EXOSC2: variants seen among roughly 807,000 people sequenced by gnomAD.
EXOSC2 encodes exosome component 2.
EXOSC2 carries 29 observed loss-of-function variants against 37.6 expected under a neutral mutation model. That is an observed-to-expected ratio of 0.77 (90% CI 0.57 to 1.05). The LOEUF (loss-of-function observed/expected upper bound fraction) is 1.05, where lower values mean the gene tolerates loss of function less well. Ranked by LOEUF, EXOSC2 falls within the 50% of genes least tolerant of loss-of-function variation. EXOSC2 has a pLI of 0.00. For missense variants in EXOSC2, 346 were observed against 365.6 expected, an observed-to-expected ratio of 0.95 and a Z score of 0.44; for synonymous variants, 119 against 131.1, an observed-to-expected ratio of 0.91 and a Z score of 0.63.
At position 130,695,622 on chromosome 9, in the gene EXOSC2, C is replaced by A. The variant is rs1262356196; in HGVS notation, c.224+29C>A. On this transcript the variant is annotated intron_variant, in intron 2 of 8. Transcript: ENST00000372358. ...AGAACAAAAGGTGTGTATTCCCTTTCTTGCAGCATCAGGTTGTACAACCAG... is the reference window on the plus strand; with the variant it reads ...AGAACAAAAGGTGTGTATTCCCTTTATTGCAGCATCAGGTTGTACAACCAG... 9 of 1,594,596 alleles carry A rather than the reference C, an allele frequency of 5.6e-6. No individual in the cohort carries two copies. In the South Asian group the frequency reaches 9.9e-5, roughly 18 times the overall value.
In EXOSC2 at chr9:130,701,063, C is replaced by T; in HGVS notation, c.495+128C>T. On this transcript the variant is annotated intron_variant, in intron 6 of 8. Coordinates refer to ENST00000372358, the MANE Select transcript of EXOSC2 (RefSeq NM_014285.7). The stretch of plus-strand genomic sequence containing the variant: ...TAAGCATTAATAGAGGCTGGCATCC[C>T]ACAAACTGATCGTGTTCCTTAAACG... 4 of 806,354 alleles carry T rather than the reference C, an allele frequency of 5.0e-6. No homozygotes were observed. In the South Asian group the frequency reaches 6.5e-5, roughly 13 times the overall value. 49.9% of individuals were successfully genotyped at this position (806,354 alleles called of 1,614,324 possible). A position where few individuals can be genotyped will look rare whatever the true frequency, so the allele number is the denominator to read the frequency against.
chr9:130,698,357 T>C lies in EXOSC2; in HGVS notation c.360+106T>C. The C allele has an allele frequency of 1.1e-6, 1 of 932,506 alleles. No homozygotes were observed. The highest frequency in any genetic ancestry group is 1.5e-5 in the South Asian group (1 of 68,648). The allele number at this position is 932,506 out of a possible 1,614,324, so 57.8% of individuals were successfully genotyped here. A position where few individuals can be genotyped will look rare whatever the true frequency, so the allele number is the denominator to read the frequency against. On this transcript the variant is annotated intron_variant, in intron 4 of 8. Transcript: ENST00000372358. The surrounding 1 kb of genome is among the most constrained non-coding windows in gnomAD (Gnocchi z 4.1). The stretch of plus-strand genomic sequence containing the variant: ...TTTGATTTACACTGAGGTTGCCCCT[T>C]TGACTCCTGTTTGTCTGCTGTGAAG...
chr9:130,703,229 C>T (rs772041885), intron 8 of EXOSC2, 48 bp downstream of exon 8: 3 of 1,575,010 alleles, frequency 1.9e-6, no homozygotes, highest in Non-Finnish European at 2.6e-6. Flanking sequence ...GTGAGCTGCT[C>T]TGTTGTTTGT....
intron 5 of EXOSC2, among the ~76,000 whole-genome samples, chr9:130,700,082 G>A (rs751732897): frequency 1.6e-4 from 25 of 151,936 alleles, no homozygotes; most frequent in Admixed American, 4.6e-4. Context: ...CTGGAGTGCA[G>A]TGGCGCGATC....
chr9:130,694,570 G>C lies in EXOSC2; in HGVS notation c.122+657G>C, dbSNP rs1831050310. Among the ~76,000 whole-genome samples, 1 of 152,128 alleles carries C rather than the reference G, an allele frequency of 6.6e-6. No homozygotes were observed. Among genetic ancestry groups the C allele is most frequent in the African/African-American group, 2.4e-5 (1 of 41,414 alleles). Reference sequence around the variant, plus strand: ...TAAATGAGACAATTATGTAAGAAAAGAAGTAAAACCAGCCATTATATCATC... The same window carrying C: ...TAAATGAGACAATTATGTAAGAAAACAAGTAAAACCAGCCATTATATCATC... On this transcript the variant is annotated intron_variant, in intron 1 of 8. Transcript: ENST00000372358. This position sits in a 1 kb window ranked among gnomAD's most constrained non-coding sequence, Gnocchi z 4.0.
In EXOSC2 at chr9:130,695,567, G is replaced by T; in HGVS notation, c.198G>T (p.Leu66Phe). The change falls in exon 2 of 9, where the codon TTG (leucine) becomes TTT (phenylalanine). Residue 66 changes from leucine to phenylalanine, a missense_variant. Physicochemically the swap from Leu to Phe is conservative, Grantham distance 22 (BLOSUM62 0). Transcript: ENST00000372358. ...GCTCTGTGGAGAGAGTAAACAAGTT[G>T]ATCTGTGTGAAAGCTTTGAAAACCA... is the stretch of plus-strand genomic sequence containing the variant. ...VAGSVERVNK[L>F]ICVKALKTRY... 1 of 1,614,158 alleles carries T rather than the reference G, an allele frequency of 6.2e-7. No homozygotes were observed. Among genetic ancestry groups the T allele is most frequent in the East Asian group, 2.2e-5 (1 of 44,878 alleles).
rs373544886 is a variant in EXOSC2, at chr9:130,701,327, A to G, written c.495+392A>G. ...TAAACAGCCCTTAGACAAACGTCCAATCAGTCCAGTGGATGTTATTGCTGG... is the reference window on the plus strand; with the variant it reads ...TAAACAGCCCTTAGACAAACGTCCAGTCAGTCCAGTGGATGTTATTGCTGG... On this transcript the variant is annotated intron_variant, in intron 6 of 8. Transcript: ENST00000372358. 109 of 182,972 alleles carry G rather than the reference A, an allele frequency of 6.0e-4. 1 individual carries two copies. The highest frequency in any genetic ancestry group is 2.2e-3 in the African/African-American group (92 of 42,278). The allele number at this position is 182,972 out of a possible 1,614,324, so 11.3% of individuals were successfully genotyped here. A position where few individuals can be genotyped will look rare whatever the true frequency, so the allele number is the denominator to read the frequency against.
At chr9:130,703,321 C>T (rs755820143) in intron 8 of EXOSC2, 140 bp downstream of exon 8, 8 of 953,264 alleles carry the variant, frequency 8.4e-6, no homozygotes, top group Non-Finnish European at 1.2e-5. Flanking sequence ...TAATGAGTGT[C>T]TGGTAGATCT....
At position 130,695,609 on chromosome 9, in the gene EXOSC2, G is replaced by A. The variant is rs760555341; in HGVS notation, c.224+16G>A. 1.9e-6 allele frequency: 3 copies of A among 1,609,320 alleles called. No homozygotes were observed. Among genetic ancestry groups the A allele is most frequent in the African/African-American group, 2.7e-5 (2 of 74,836 alleles). Reference sequence around the variant, plus strand: ...TGAAAACCAGGTGAGAACAAAAGGTGTGTATTCCCTTTCTTGCAGCATCAG... The same window carrying A: ...TGAAAACCAGGTGAGAACAAAAGGTATGTATTCCCTTTCTTGCAGCATCAG... On this transcript the variant is annotated intron_variant, in intron 2 of 8. Coordinates refer to ENST00000372358, the MANE Select transcript of EXOSC2 (RefSeq NM_014285.7).
chr9:130,702,950 G>A (rs1465779717), intron 7 of EXOSC2, 103 bp from the exon 8 acceptor site: 16 of 1,382,446 alleles, frequency 1.2e-5, no homozygotes, highest in Non-Finnish European at 1.5e-5. Context: ...GTTCCAGGGT[G>A]ATACTGTCTG....
Position 130,698,355 on chromosome 9 carries a change from C to T in EXOSC2, c.360+104C>T, listed in dbSNP as rs192621393. On this transcript the variant is annotated intron_variant, in intron 4 of 8. Transcript: ENST00000372358. This position sits in a 1 kb window ranked among gnomAD's most constrained non-coding sequence, Gnocchi z 4.1. ...ACTTTGATTTACACTGAGGTTGCCC[C>T]TTTGACTCCTGTTTGTCTGCTGTGA... The T allele has an allele frequency of 4.2e-6, 4 of 958,166 alleles. No individual in the cohort carries two copies. Among genetic ancestry groups the T allele is most frequent in the Admixed American group, 4.3e-5 (2 of 46,078 alleles). 59.4% of individuals were successfully genotyped at this position (958,166 alleles called of 1,614,324 possible).
chr9:130,703,031 C>T (rs762336954), intron 7 of EXOSC2, 22 bp from the exon 8 acceptor site: 1 of 1,599,586 alleles, frequency 6.3e-7, no homozygotes, highest in African/African-American at 1.3e-5. Flanking sequence ...ATTTCCCTTC[C>T]CCTCTCTGTG....
In EXOSC2 at chr9:130,702,141, A is replaced by G. The variant is rs1430876750; in HGVS notation, c.503A>G (p.Gln168Arg). 6.2e-7 allele frequency: 1 copy of G among 1,614,000 alleles called. No homozygotes were observed. Among genetic ancestry groups the G allele is most frequent in the Non-Finnish European group, 8.5e-7 (1 of 1,179,976 alleles). ...TRSLKYGKLG[Q>R]GVLVQVSPSL... The stretch of plus-strand genomic sequence containing the variant: ...CGTGATATATTTCTTTAGCTAGGTC[A>G]GGGGGTTTTGGTCCAGGTTTCCCCC... The change falls in exon 7 of 9, where the codon CAG becomes CGG. Residue 168 changes from glutamine (Q) to arginine (R), a missense_variant. Coordinates refer to ENST00000372358, the MANE Select transcript of EXOSC2 (RefSeq NM_014285.7).
chr9:130,701,059 A>G, intron 6 of EXOSC2, 124 bp downstream of exon 6: 1 of 855,246 alleles, frequency 1.2e-6, no homozygotes, highest in Non-Finnish European at 1.9e-6. Flanking sequence ...AGAGGCTGGC[A>G]TCCCACAAAC....
Position 130,694,030 on chromosome 9 carries a change from T to C in EXOSC2, c.122+117T>C. The C allele has an allele frequency of 7.9e-7, 1 of 1,267,488 alleles. No homozygotes were observed. The highest frequency in any genetic ancestry group is 1.1e-6 in the Non-Finnish European group (1 of 937,128). 78.5% of individuals were successfully genotyped at this position (1,267,488 alleles called of 1,614,324 possible). A position where few individuals can be genotyped will look rare whatever the true frequency, so the allele number is the denominator to read the frequency against. ...TCCCCGCGGGACCCAGGGCACTTCG[T>C]CTGAGCATCCTACACACCTCGCTTC... On this transcript the variant is annotated intron_variant, in intron 1 of 8. Transcript: ENST00000372358. This position sits in a 1 kb window ranked among gnomAD's most constrained non-coding sequence, Gnocchi z 4.0.
chr9:130,700,329 T>TTTTTTTTA (rs1554754658), intron 5 of EXOSC2, among the ~76,000 whole-genome samples: 16 of 140,664 alleles, frequency 1.1e-4, no homozygotes, highest in African/African-American at 3.7e-4. Context: ...TCTGTCTTTA[T>TTTTTTTTA]TTTATTTATT....
upstream of EXOSC2, chr9:130,693,771 G>T: frequency 6.3e-7 from 1 of 1,593,942 alleles, no homozygotes; most frequent in South Asian, 1.1e-5. Context: ...AGCTGCGCCT[G>T]CGCAACTCAT....
At chr9:130,700,798 G>C in intron 5 of EXOSC2, 69 bp from the exon 6 acceptor site, 1 of 1,457,252 alleles carries the variant, frequency 6.9e-7, no homozygotes, top group Non-Finnish European at 9.6e-7. Flanking sequence ...GGGGTCAAGG[G>C]GAGAGGCTGC....
chr9:130,693,864 C>T lies in EXOSC2; in HGVS notation c.73C>T (p.His25Tyr), dbSNP rs764924683. 1 of 1,612,728 alleles carries T rather than the reference C, an allele frequency of 6.2e-7. No homozygotes were observed. The highest frequency in any genetic ancestry group is 1.7e-5 in the Admixed American group (1 of 59,942). ...GAGACTGGGCCGCGACACTAAGAAA[C>T]ATCTAGTGGTGCCGGGGGATACAAT... ...SERLGRDTKK[H>Y]LVVPGDTITT... The change falls in exon 1 of 9, where the codon CAT becomes TAT. Residue 25 changes from histidine to tyrosine, a missense_variant. Transcript: ENST00000372358.
Sources: gnomAD v4.1 joint callset for allele counts (sites outside exome capture counted in the v4.1 genomes callset) on GRCh38, gnomAD v4.1.1 for gene constraint, Gnocchi (gnomAD v3.1) non-coding constraint, MANE v1.5 for transcripts, NCBI Gene and HGNC (gene_info 2026-07-23, HGNC 2026-07-21) for gene names.